Variants in FAXC observed in about 807,000 individuals in gnomAD.
The protein encoded by FAXC is failed axon connections homolog, metaxin like GST domain containing.
FAXC carries 10 observed loss-of-function variants against 41.9 expected under a neutral mutation model. That is an observed-to-expected ratio of 0.24 (90% confidence interval 0.15 to 0.41). FAXC has a LOEUF of 0.41. FAXC is among the 10% of genes least tolerant of loss of function. FAXC has a pLI of 1.00. For missense variants in FAXC, 399 were observed against 510.9 expected, an observed-to-expected ratio of 0.78 and a Z score of 2.11; for synonymous variants, 183 against 183.8, an observed-to-expected ratio of 1.00 and a Z score of 0.03.
At chr6:99,314,638 T>G (rs1437673917) in intron 4 of FAXC, among the ~76,000 whole-genome samples, 1 of 152,180 alleles carries the variant, frequency 6.6e-6, no homozygotes, top group Non-Finnish European at 1.5e-5. Context: ...GTCCCAACTT[T>G]CAACCTCTGC....
chr6:99,273,919 G>A lies in FAXC; in HGVS notation c.*7245C>T, dbSNP rs1770505766. 6.6e-6 allele frequency: 1 copy of A among 151,948 alleles called. No homozygotes were observed. Among genetic ancestry groups the A allele is most frequent in the Admixed American group, 6.6e-5 (1 of 15,252 alleles). 9.4% of individuals were successfully genotyped at this position (151,948 alleles called of 1,614,324 possible). A position where few individuals can be genotyped will look rare whatever the true frequency, so the allele number is the denominator to read the frequency against. On this transcript the variant is annotated 3_prime_UTR_variant, in exon 6 of 6. Transcript: ENST00000389677. ...TATATCATAAATAAATACATGGAGG[G>A]GCATGCTCAGAAAGTTTTACTAATA...
At position 99,292,751 on chromosome 6, in the gene FAXC, C is replaced by T. The variant is rs1771294861; in HGVS notation, c.824-931G>A. 2.0e-5 allele frequency among the ~76,000 whole-genome samples: 3 copies of T among 152,344 alleles called. No homozygotes were observed. The South Asian group carries it at 6.2e-4, about 32-fold the overall frequency. ...CAAAATGACATAATGTACATTAGCA[C>T]TCATGACAGCCCCTACCTTTCTCCA... On this transcript the variant is annotated intron_variant, in intron 4 of 5. Coordinates refer to ENST00000389677, the MANE Select transcript of FAXC (RefSeq NM_032511.4).
chr6:99,285,777 A>T (rs1771008441), intron 5 of FAXC, among the ~76,000 whole-genome samples: 3 of 152,212 alleles, frequency 2.0e-5, no homozygotes, highest in Non-Finnish European at 4.4e-5. Flanking sequence ...CCCAGATAGA[A>T]TAAAGAACCT....
At chr6:99,294,183 C>T (rs1324669578) in intron 4 of FAXC, among the ~76,000 whole-genome samples, 1 of 152,180 alleles carries the variant, frequency 6.6e-6, no homozygotes, top group Non-Finnish European at 1.5e-5. Context: ...TTGAGTCTTA[C>T]ACCATTATCC....
chr6:99,331,689 C>T (rs1773031787), intron 3 of FAXC, among the ~76,000 whole-genome samples: 1 of 152,214 alleles, frequency 6.6e-6, no homozygotes, highest in Non-Finnish European at 1.5e-5. Flanking sequence ...CTCTGGCAAT[C>T]AATGGGCCCA....
Position 99,343,027 on chromosome 6 carries a change from C to T in FAXC, c.273G>A (p.Gln91=), listed in dbSNP as rs147679990. 1.1e-5 allele frequency: 17 copies of T among 1,599,258 alleles called. No individual in the cohort carries two copies. The African/African-American group carries it at 2.3e-4, about 22-fold the overall frequency. The part of the protein sequence containing the change: ...LLHELLVIRK[Q]QEIDSKDAII... ...TAGCATCTTTAGAGTCAATCTCTTG[C>T]TGTTTCCTGTCAAAACCAAAACAGA... The change falls in exon 2 of 6, where the codon CAG becomes CAA. Residue 91 remains glutamine (Q), a synonymous_variant. Transcript: ENST00000389677.
intron 3 of FAXC, among the ~76,000 whole-genome samples, chr6:99,329,906 A>AT (rs1414169344): frequency 1.0e-4 from 15 of 147,798 alleles, no homozygotes; most frequent in Non-Finnish European, 1.2e-4. Context: ...AATTTTTGTT[A>AT]TTTTTTTTTA....
intron 3 of FAXC, among the ~76,000 whole-genome samples, chr6:99,328,312 C>T (rs1016623856): frequency 2.6e-5 from 4 of 152,182 alleles, no homozygotes; most frequent in Non-Finnish European, 4.4e-5. Context: ...GGGCAGAGCC[C>T]TCATAAATGG....
chr6:99,282,107 T>C (rs1342885130), intron 5 of FAXC, among the ~76,000 whole-genome samples: 2 of 152,216 alleles, frequency 1.3e-5, no homozygotes, highest in Non-Finnish European at 2.9e-5. Context: ...GCAAGGTAGT[T>C]TATCCAAAAT....
intron 4 of FAXC, among the ~76,000 whole-genome samples, chr6:99,320,595 T>C (rs1165937004): frequency 6.6e-6 from 1 of 152,178 alleles, no homozygotes; most frequent in Non-Finnish European, 1.5e-5. Flanking sequence ...TTCTCTCTTA[T>C]TCTCAGCAAT....
At chr6:99,322,505 G>T (rs1038282377) in intron 4 of FAXC, among the ~76,000 whole-genome samples, 1 of 152,074 alleles carries the variant, frequency 6.6e-6, no homozygotes, top group Non-Finnish European at 1.5e-5. Context: ...TGAGGATGAG[G>T]GTGAATCTGG....
intron 3 of FAXC, among the ~76,000 whole-genome samples, chr6:99,331,947 G>A (rs963824448): frequency 2.6e-5 from 4 of 152,194 alleles, no homozygotes; most frequent in African/African-American, 9.6e-5. Context: ...TGGGAGGGGA[G>A]CCCCAACAGT....
intron 5 of FAXC, among the ~76,000 whole-genome samples, chr6:99,289,063 G>A (rs893641273): frequency 3.9e-5 from 6 of 151,912 alleles, no homozygotes; most frequent in Non-Finnish European, 5.9e-5. Flanking sequence ...CTATCCATCC[G>A]ACATTTATTA....
At chr6:99,289,637 C>T (rs1405401076) in intron 5 of FAXC, among the ~76,000 whole-genome samples, 3 of 151,612 alleles carry the variant, frequency 2.0e-5, no homozygotes, top group Non-Finnish European at 4.4e-5. Context: ...GCCTAGGCAA[C>T]AGAGCAAGAC....
chr6:99,307,174 C>A (rs1771958350), intron 4 of FAXC, among the ~76,000 whole-genome samples: 1 of 152,140 alleles, frequency 6.6e-6, no homozygotes, highest in Non-Finnish European at 1.5e-5. Flanking sequence ...CTTTCAAGAG[C>A]CAACTAGTAG....
chr6:99,349,640 C>T lies in FAXC; in HGVS notation c.-268G>A, dbSNP rs1231515206. ...CCGGCTCCCCCCGCAGCTGCCTCTC[C>T]GCCCCGCTCTTTGTGTCGGCGCCTG... On this transcript the variant is annotated 5_prime_UTR_variant, in exon 1 of 6. Coordinates refer to ENST00000389677, the MANE Select transcript of FAXC (RefSeq NM_032511.4). 6.6e-6 allele frequency: 1 copy of T among 152,400 alleles called. No homozygotes were observed. Among genetic ancestry groups the T allele is most frequent in the Admixed American group, 6.6e-5 (1 of 15,240 alleles). The allele number at this position is 152,400 out of a possible 1,614,324, so 9.4% of individuals were successfully genotyped here.
chr6:99,346,912 C>CT (rs1220900616), intron 1 of FAXC, among the ~76,000 whole-genome samples: 3 of 152,092 alleles, frequency 2.0e-5, no homozygotes, highest in African/African-American at 7.2e-5. Flanking sequence ...AGAAATAGCC[C>CT]TTTTTTATTG....
At chr6:99,309,380 G>A (rs1451843185) in intron 4 of FAXC, among the ~76,000 whole-genome samples, 30 of 152,126 alleles carry the variant, frequency 2.0e-4, no homozygotes, top group Admixed American at 2.0e-3. Flanking sequence ...CGTTTGTATC[G>A]CTAAGTAAGC....
rs1479107715 is a variant in FAXC at position 99,273,473 on chromosome 6, C to G, written c.*7691G>C. On this transcript the variant is annotated 3_prime_UTR_variant, in exon 6 of 6. Transcript: ENST00000389677. ...CTGGGTATCACCTCACCCCTACTTT[C>G]TTTTCTTGTTTTGCTTACCTCAGTG... The G allele has an allele frequency of 2.7e-5, 4 of 150,288 alleles. No individual in the cohort carries two copies. In the South Asian group the frequency reaches 8.6e-4, roughly 32 times the overall value. The allele number at this position is 150,288 out of a possible 1,614,324, so 9.3% of individuals were successfully genotyped here.
Sources: gnomAD v4.1 joint callset for allele counts (sites outside exome capture counted in the v4.1 genomes callset) on GRCh38, gnomAD v4.1.1 for gene constraint, MANE v1.5 for transcripts, NCBI Gene and HGNC (gene_info 2026-07-23, HGNC 2026-07-21) for gene names.